CCNB3: variants seen among roughly 807,000 people sequenced by gnomAD.
CCNB3 encodes the protein cyclin B3.
Under a neutral mutation model 68.0 loss-of-function variants are expected in CCNB3, and 12 were observed. The observed-to-expected ratio is 0.18, with a 90% CI of 0.11 to 0.29. CCNB3 has a LOEUF of 0.29. Among genes scored for constraint, CCNB3 ranks in the 10% least tolerant of loss-of-function variants. The pLI is 1.00. For synonymous variants in CCNB3, 354 were observed against 388.9 expected, an observed-to-expected ratio of 0.91 and a Z score of 1.06; for missense variants, 904 against 993.1, an observed-to-expected ratio of 0.91 and a Z score of 1.21.
intron 1 of CCNB3, among the ~76,000 whole-genome samples, chrX:50,226,893 T>A (rs1165388439): frequency 8.3e-4 from 39 of 46,968 alleles, no homozygotes; most frequent in African/African-American, 1.4e-3. Flanking sequence ...GAATATATAG[T>A]ATATATATAG....
At position 50,228,245 on chromosome X, in the gene CCNB3, A is replaced by G. The variant is rs1025298823; in HGVS notation, c.-113+23295A>G. Among the ~76,000 whole-genome samples the G allele has an allele frequency of 3.5e-5, 3 of 86,568 alleles. No homozygotes were observed. The East Asian group carries it at 9.3e-4, about 27-fold the overall frequency. The allele number at this position is 86,568 out of a possible 115,157, so 75.2% of individuals were successfully genotyped here. A position where few individuals can be genotyped will look rare whatever the true frequency, so the allele number is the denominator to read the frequency against. On this transcript the variant is annotated intron_variant, in intron 1 of 12. Coordinates refer to ENST00000376042, the MANE Select transcript of CCNB3 (RefSeq NM_033031.3). ...ACATATAAATACATACATAGAATAT[A>G]TATAAATACATAGAATATATATAAA...
intron 9 of CCNB3, among the ~76,000 whole-genome samples, chrX:50,344,637 C>T (rs185234401): frequency 3.0e-4 from 33 of 111,771 alleles, no homozygotes; most frequent in Admixed American, 6.7e-4. Flanking sequence ...CCAACTCCAT[C>T]CCCATCTAGT....
chrX:50,289,726 T>C (rs191508647), intron 4 of CCNB3, among the ~76,000 whole-genome samples: 1 of 111,944 alleles, frequency 8.9e-6, no homozygotes, highest in East Asian at 2.8e-4. Flanking sequence ...TTTTGAAGTC[T>C]GTATTATCTA....
chrX:50,291,926 T>G (rs1172829111), intron 4 of CCNB3, among the ~76,000 whole-genome samples: 2 of 111,603 alleles, frequency 1.8e-5, no homozygotes, highest in Non-Finnish European at 3.8e-5. Context: ...TTTTTCTACA[T>G]TTAACTTGGA....
intron 1 of CCNB3, among the ~76,000 whole-genome samples, chrX:50,210,629 A>T (rs1185334494): frequency 9.0e-6 from 1 of 110,792 alleles, no homozygotes; most frequent in Non-Finnish European, 1.9e-5. Context: ...TAGCGAACAG[A>T]TTTTTTTCAG....
chrX:50,306,556 G>A (rs781794396), intron 5 of CCNB3, among the ~76,000 whole-genome samples: 1 of 111,693 alleles, frequency 9.0e-6, no homozygotes, highest in Non-Finnish European at 1.9e-5. Context: ...CTGATCTTAG[G>A]GGGAAAGTAT....
At chrX:50,222,255 G>A (rs1935685662) in intron 1 of CCNB3, among the ~76,000 whole-genome samples, 1 of 111,215 alleles carries the variant, frequency 9.0e-6, no homozygotes, top group South Asian at 3.9e-4. Flanking sequence ...GGGGCATTTA[G>A]CCCGTTTACA....
intron 5 of CCNB3, among the ~76,000 whole-genome samples, chrX:50,298,976 A>G (rs1389700567): frequency 2.7e-5 from 3 of 111,126 alleles, no homozygotes; most frequent in African/African-American, 9.8e-5. Context: ...ATCGGTGGTG[A>G]TATCCCCTTT....
chrX:50,316,003 C>T (rs947983402), intron 8 of CCNB3, among the ~76,000 whole-genome samples: 3 of 111,248 alleles, frequency 2.7e-5, no homozygotes, highest in Non-Finnish European at 3.8e-5. Flanking sequence ...TATGGTTTGG[C>T]TATGTCCACA....
intron 8 of CCNB3, among the ~76,000 whole-genome samples, chrX:50,325,749 G>A (rs1557217215): frequency 8.9e-6 from 1 of 111,981 alleles, no homozygotes; most frequent in African/African-American, 3.2e-5. Flanking sequence ...TTTGTTCACT[G>A]TGTATATGTG....
intron 8 of CCNB3, among the ~76,000 whole-genome samples, chrX:50,338,023 G>C (rs1427764244): frequency 8.9e-6 from 1 of 112,099 alleles, no homozygotes; most frequent in Non-Finnish European, 1.9e-5. Context: ...CCAAGTACCA[G>C]TTCCTTCCTG....
intron 5 of CCNB3, among the ~76,000 whole-genome samples, chrX:50,299,519 C>T (rs1184688438): frequency 9.0e-6 from 1 of 111,494 alleles, no homozygotes; most frequent in Non-Finnish European, 1.9e-5. Context: ...AGTTTCTGTT[C>T]TTTACCATTT....
rs149456824 is a variant in CCNB3 at position 50,309,322 on chromosome X, T to C, written c.1153T>C (p.Leu385=). The C allele has an allele frequency of 6.5e-5, 79 of 1,209,305 alleles. No homozygotes were observed. Among genetic ancestry groups the C allele is most frequent in the Middle Eastern group, 4.6e-4 (2 of 4,350 alleles). ...GGAGGCAATCATGATGCCAGTAATA[T>C]TGAAGGAGCAGTGCATGACTGAGGG... is the stretch of plus-strand genomic sequence containing the variant. ...TEEAIMMPVI[L]KEQCMTEGKR... The change falls in exon 6 of 13, where the codon TTG becomes CTG. Residue 385 remains leucine (L), a synonymous_variant. Transcript: ENST00000376042.
rs1350604548 is a variant in CCNB3 at position 50,223,856 on chromosome X, CTG to C, written c.-113+18909_-113+18910del. On this transcript the variant is annotated intron_variant, in intron 1 of 12. Coordinates refer to ENST00000376042, the MANE Select transcript of CCNB3 (RefSeq NM_033031.3). Reference sequence around the variant, plus strand: ...GCAGGAACGTTTAAGTCTGCTGAAGCTGTGCCCACAGCTGCCATTTCCCTCAG... The same window carrying C: ...GCAGGAACGTTTAAGTCTGCTGAAGCTGCCCACAGCTGCCATTTCCCTCAG... Among the ~76,000 whole-genome samples the C allele has an allele frequency of 1.6e-4, 18 of 112,033 alleles. No homozygotes were observed. In the Admixed American group the frequency reaches 1.6e-3, roughly 10 times the overall value.
chrX:50,301,431 G>A (rs781904658), intron 5 of CCNB3, among the ~76,000 whole-genome samples: 2 of 111,928 alleles, frequency 1.8e-5, no homozygotes, highest in Non-Finnish European at 1.9e-5. Context: ...TATCAGCAGC[G>A]GTGGCTGCAG....
intron 11 of CCNB3, 121 bp downstream of exon 11, chrX:50,347,896 C>A: frequency 1.5e-6 from 1 of 656,497 alleles, no homozygotes; most frequent in Non-Finnish European, 2.2e-6. Context: ...CACATATTCA[C>A]CACTGTGAAC....
intron 1 of CCNB3, among the ~76,000 whole-genome samples, chrX:50,226,946 A>AATATATATAGTATATATATAGAAT (rs1935853147): frequency 1.4e-5 from 1 of 73,641 alleles, no homozygotes; most frequent in African/African-American, 6.2e-5. Context: ...ATATATATAG[A>AATATATATAGTATATATATAGAAT]ATATATATAG....
At position 50,216,273 on chromosome X, in the gene CCNB3, G is replaced by T. The variant is rs995835229; in HGVS notation, c.-113+11323G>T. ...AGGCCTTGTGTGTGTGTGTGTTTGT[G>T]TGTGTGTGTGTGTGAGACAGAGTCT... On this transcript the variant is annotated intron_variant, in intron 1 of 12. Coordinates refer to ENST00000376042, the MANE Select transcript of CCNB3 (RefSeq NM_033031.3). Among the ~76,000 whole-genome samples the T allele has an allele frequency of 3.8e-5, 4 of 104,742 alleles. No individual in the cohort carries two copies. In the East Asian group the frequency reaches 9.2e-4, roughly 24 times the overall value. 91.0% of individuals were successfully genotyped at this position (104,742 alleles called of 115,157 possible). A position where few individuals can be genotyped will look rare whatever the true frequency, so the allele number is the denominator to read the frequency against.
intron 3 of CCNB3, 50 bp from the exon 4 acceptor site, chrX:50,288,730 A>C: frequency 6.2e-6 from 6 of 972,205 alleles, no homozygotes; most frequent in Non-Finnish European, 8.7e-6. Context: ...AAGTCCCTGA[A>C]GAGACTGTTC....
Sources: allele counts gnomAD v4.1 joint callset (sites outside exome capture counted in the v4.1 genomes callset), GRCh38; gene constraint gnomAD v4.1.1; transcripts MANE v1.5; gene names NCBI Gene and HGNC (gene_info 2026-07-23, HGNC 2026-07-21).